The following TRIM16 variants were observed in gnomAD, a reference collection of about 807,000 sequenced individuals.
TRIM16 encodes the protein tripartite motif-containing protein 16.
In TRIM16, 33 loss-of-function variants were observed where a neutral mutation model predicts 50.4. The observed-to-expected ratio is 0.65, with a 90% confidence interval of 0.50 to 0.88. TRIM16 has a LOEUF of 0.88. TRIM16 is among the 40% of genes least tolerant of loss of function. The probability of loss-of-function intolerance (pLI) is 0.00; values close to 1 mark genes in which losing one functional copy is unlikely to be tolerated. For missense variants in TRIM16, 581 were observed against 686.8 expected (o/e 0.85, Z 1.72); for synonymous variants, 229 against 270.7 (o/e 0.85, Z 1.51).
intron 6 of TRIM16, among the ~76,000 whole-genome samples, chr17:15,655,789 T>C (rs1009592322): frequency 6.6e-6 from 1 of 152,174 alleles, no homozygotes; most frequent in African/African-American, 2.4e-5. Context: ...TTAGCCAGGA[T>C]GGTCTCAATC....
intron 7 of TRIM16, among the ~76,000 whole-genome samples, chr17:15,650,744 C>T (rs191931672): frequency 4.2e-4 from 64 of 152,260 alleles, no homozygotes; most frequent in African/African-American, 1.4e-3. Context: ...GACATATCAC[C>T]GCCCTAAGCC....
At chr17:15,646,583 G>A (rs910774263) in intron 7 of TRIM16, among the ~76,000 whole-genome samples, 4 of 142,360 alleles carry the variant, frequency 2.8e-5, no homozygotes, top group Non-Finnish European at 4.5e-5. Context: ...TCTGGTGCAA[G>A]ACTACCTAAA....
intron 7 of TRIM16, among the ~76,000 whole-genome samples, chr17:15,649,758 A>C (rs1420718113): frequency 1.3e-5 from 2 of 152,022 alleles, no homozygotes; most frequent in East Asian, 3.9e-4. Flanking sequence ...TCCATTCCTC[A>C]CTCCGTGACT....
chr17:15,655,276 T>C lies in TRIM16; in HGVS notation c.-337-3330A>G, dbSNP rs73272112. The stretch of plus-strand genomic sequence containing the variant: ...AATGGGGAAGAAAAGGTAGTTGCCC[T>C]GCCTGGCCCTTTCTACAGCTTCAGT... On this transcript the variant is annotated intron_variant, in intron 6 of 11. Coordinates refer to ENST00000649191, the MANE Select transcript of TRIM16 (RefSeq NM_001348119.1). 7.4e-3 allele frequency among the ~76,000 whole-genome samples: 1,122 copies of C among 152,368 alleles called. 4 individuals are homozygous for C. The highest frequency in any genetic ancestry group is 0.034 in the Middle Eastern group (10 of 294).
At position 15,628,740 on chromosome 17, in the gene TRIM16, A is replaced by C; in HGVS notation, c.1570T>G (p.Cys524Gly). 6.2e-6 allele frequency: 10 copies of C among 1,614,184 alleles called. No homozygotes were observed. The highest frequency in any genetic ancestry group is 8.5e-6 in the Non-Finnish European group (10 of 1,180,032). ...DTMTLVHKFA[C>G]KFSEPVYAAF... Reference sequence around the variant, plus strand: ...GCATAGACTGGTTCTGAAAATTTGCAGGCAAACTTGTGAACCAGAGTCATG... The same window carrying C: ...GCATAGACTGGTTCTGAAAATTTGCCGGCAAACTTGTGAACCAGAGTCATG... The change falls in exon 12 of 12, where the codon TGC (cysteine) becomes GGC (glycine). Residue 524 changes from cysteine to glycine, a missense_variant. Transcript: ENST00000649191.
intron 7 of TRIM16, among the ~76,000 whole-genome samples, chr17:15,649,217 C>T (rs1390843105): frequency 2.0e-5 from 3 of 152,112 alleles, no homozygotes; most frequent in Non-Finnish European, 2.9e-5. Flanking sequence ...GAGGAGAAAA[C>T]GGAGGTTTGG....
intron 9 of TRIM16, 199 bp from the exon 10 acceptor site, chr17:15,632,873 A>G: frequency 1.6e-6 from 1 of 642,846 alleles, no homozygotes; most frequent in Non-Finnish European, 2.4e-6. Context: ...CCCTCAGAAT[A>G]AGTGGGATTT....
In TRIM16 at chr17:15,651,412, C is replaced by T; in HGVS notation, c.198G>A (p.Gly66=). 6.2e-7 allele frequency: 1 copy of T among 1,614,108 alleles called. No homozygotes were observed. Among genetic ancestry groups the T allele is most frequent in the Non-Finnish European group, 8.5e-7 (1 of 1,179,972 alleles). The change falls in exon 7 of 12, where the codon GGG becomes GGA. Residue 66 remains glycine (G), a synonymous_variant. Coordinates refer to ENST00000649191, the MANE Select transcript of TRIM16 (RefSeq NM_001348119.1). The part of the protein sequence containing the change: ...EEQDSDSAEQ[G]DPAGEGKEVL... ...CCTCTTTCCCCTCACCAGCAGGATC[C>T]CCCTGCTCTGCAGAGTCGCTGTCCT...
At chr17:15,654,509 C>A (rs963808011) in intron 6 of TRIM16, 4 of 152,176 alleles carry the variant, frequency 2.6e-5, no homozygotes, top group African/African-American at 9.7e-5. Context: ...CCAATTCCCC[C>A]TGAGGAAGAG....
intron 8 of TRIM16, 47 bp from the exon 9 acceptor site, chr17:15,636,316 G>A (rs745801889): frequency 7.6e-6 from 12 of 1,587,346 alleles, no homozygotes; most frequent in African/African-American, 1.4e-5. Flanking sequence ...TCTTAGTGAG[G>A]CATCCAACTT....
rs1353960318 is a variant in TRIM16 at position 15,636,902 on chromosome 17, G to A, written c.616-633C>T. ...TGTGAGAAACATTAAGGGTTTGAAT[G>A]ATGGGGCACATGCATGTGGACTCTT... On this transcript the variant is annotated intron_variant, in intron 8 of 11. Coordinates refer to ENST00000649191, the MANE Select transcript of TRIM16 (RefSeq NM_001348119.1). Among the ~76,000 whole-genome samples the A allele has an allele frequency of 2.7e-5, 4 of 149,598 alleles. 1 individual carries two copies. The highest frequency in any genetic ancestry group is 5.9e-5 in the Non-Finnish European group (4 of 67,252).
intron 6 of TRIM16, among the ~76,000 whole-genome samples, chr17:15,656,366 ACT>A (rs1201416464): frequency 6.6e-6 from 1 of 152,070 alleles, no homozygotes; most frequent in Admixed American, 6.6e-5. Flanking sequence ...GCATCTTGAT[ACT>A]CTGTCTCTCC....
At chr17:15,633,454 G>A (rs955975113) in intron 9 of TRIM16, among the ~76,000 whole-genome samples, 9 of 149,634 alleles carry the variant, frequency 6.0e-5, no homozygotes, top group East Asian at 2.0e-4. Context: ...TAAGTTATTC[G>A]GATAAGTTAT....
intron 6 of TRIM16, among the ~76,000 whole-genome samples, chr17:15,671,104 C>T (rs1988712514): frequency 6.6e-6 from 1 of 152,226 alleles, no homozygotes; most frequent in Non-Finnish European, 1.5e-5. Flanking sequence ...CTTTGGCAAA[C>T]CAAGGAAAAA....
At chr17:15,670,404 C>T (rs546811574) in intron 6 of TRIM16, among the ~76,000 whole-genome samples, 32 of 152,258 alleles carry the variant, frequency 2.1e-4, no homozygotes, top group South Asian at 1.0e-3. Flanking sequence ...CCGCTAATTT[C>T]CCCCACGTCG....
intron 6 of TRIM16, chr17:15,659,008 G>T: frequency 2.8e-6 from 1 of 354,588 alleles, no homozygotes; most frequent in Non-Finnish European, 3.9e-6. Context: ...GAACACGATT[G>T]TTGTAATGAC....
intron 8 of TRIM16, among the ~76,000 whole-genome samples, chr17:15,636,552 C>T (rs1189431900): frequency 4.0e-5 from 6 of 148,628 alleles, no homozygotes; most frequent in African/African-American, 1.2e-4. Flanking sequence ...GTCAAGTTTC[C>T]GAAATTGATT....
chr17:15,632,630 A>G lies in TRIM16; in HGVS notation c.894T>C (p.Ser298=), dbSNP rs1986490127. ...GTTTATCCTTCAGCCCTACGTAAAC[A>G]CTAGGGAAGGTGATGTCTTCAGTGT... The part of the protein sequence containing the change: ...FKNTEDITFP[S]VYVGLKDKLS... The change falls in exon 10 of 12, where the codon AGT becomes AGC. Residue 298 remains serine, a synonymous_variant. Transcript: ENST00000649191. 1.2e-6 allele frequency: 2 copies of G among 1,613,750 alleles called. No homozygotes were observed. The highest frequency in any genetic ancestry group is 1.7e-6 in the Non-Finnish European group (2 of 1,179,736).
chr17:15,680,152 A>T (rs1380705588), intron 4 of TRIM16, among the ~76,000 whole-genome samples: 5 of 152,298 alleles, frequency 3.3e-5, no homozygotes, highest in African/African-American at 1.2e-4. Flanking sequence ...GAATTTACTC[A>T]GCTTTCAGGG....
Sources: gnomAD v4.1 joint callset for allele counts (sites outside exome capture counted in the v4.1 genomes callset) on GRCh38, gnomAD v4.1.1 for gene constraint, MANE v1.5 for transcripts, NCBI Gene and HGNC (gene_info 2026-07-23, HGNC 2026-07-21) for gene names.